Variants in EPB41L3 observed in about 807,000 individuals in gnomAD.
The protein encoded by EPB41L3 is band 4.1-like protein 3.
EPB41L3 carries 57 observed loss-of-function variants against 127.1 expected under a neutral mutation model. The observed-to-expected ratio is 0.45, with a 90% confidence interval of 0.36 to 0.56. The LOEUF is 0.56. EPB41L3 is among the 20% of genes least tolerant of loss of function. The probability of loss-of-function intolerance (pLI) is 0.00; values close to 1 mark genes in which losing one functional copy is unlikely to be tolerated. For missense variants in EPB41L3, 1,273 were observed against 1,372.2 expected, an observed-to-expected ratio of 0.93 and a Z score of 1.14; for synonymous variants, 572 against 549.5, an observed-to-expected ratio of 1.04 and a Z score of -0.57.
At chr18:5,505,879 ACCTCCACCCCTAC>A (rs1163662394) in intron 1 of EPB41L3, among the ~76,000 whole-genome samples, 2 of 117,582 alleles carry the variant, frequency 1.7e-5, no homozygotes, top group African/African-American at 6.6e-5. Context: ...CCACACCTTC[ACCTCCACCCCTAC>A]CCTCCACACC....
At chr18:5,493,155 A>T (rs536508223) in intron 1 of EPB41L3, among the ~76,000 whole-genome samples, 223 of 152,344 alleles carry the variant, frequency 1.5e-3, no homozygotes, top group South Asian at 2.7e-3. Flanking sequence ...AATGACTGCT[A>T]AATTAGTTTC....
chr18:5,396,873 A>G (rs1342052212), intron 18 of EPB41L3, among the ~76,000 whole-genome samples, 185 bp downstream of exon 18: 1 of 152,150 alleles, frequency 6.6e-6, no homozygotes, highest in African/African-American at 2.4e-5. Context: ...TGCATGTGAC[A>G]CCAAAGCTGG....
At position 5,424,377 on chromosome 18, in the gene EPB41L3, CAT is replaced by C; in HGVS notation, c.1066-20_1066-19del. ...TGTTCAAACTAAATAAAAAAAAATA[CAT>C]TGAAGAGTAAAGTTTAAAATTATAA... On this transcript the variant is annotated intron_variant, in intron 9 of 22. Coordinates refer to ENST00000341928, the MANE Select transcript of EPB41L3 (RefSeq NM_012307.5). 1 of 1,547,804 alleles carries C rather than the reference CAT, an allele frequency of 6.5e-7. No individual in the cohort carries two copies. Among genetic ancestry groups the C allele is most frequent in the Non-Finnish European group, 8.8e-7 (1 of 1,140,594 alleles).
chr18:5,396,514 C>T (rs58817821), intron 18 of EPB41L3, among the ~76,000 whole-genome samples, 182 bp from the exon 19 acceptor site: 9,872 of 152,070 alleles, frequency 0.065, 506 homozygotes, highest in African/African-American at 0.14. Flanking sequence ...TCTCATAGCA[C>T]TTTTATATGA....
At chr18:5,480,551 T>C (rs2088249432) in intron 2 of EPB41L3, among the ~76,000 whole-genome samples, 1 of 152,238 alleles carries the variant, frequency 6.6e-6, no homozygotes, top group South Asian at 2.1e-4. Context: ...CGTTACTATG[T>C]ACCAAAATCA....
At chr18:5,615,770 A>G (rs531483889) in intron 1 of EPB41L3, among the ~76,000 whole-genome samples, 17 of 152,324 alleles carry the variant, frequency 1.1e-4, no homozygotes, top group Middle Eastern at 3.4e-3. Context: ...TGTGATCTAT[A>G]TGCATACAAA....
At chr18:5,447,796 T>C (rs1357398209) in intron 3 of EPB41L3, among the ~76,000 whole-genome samples, 3 of 152,178 alleles carry the variant, frequency 2.0e-5, no homozygotes, top group African/African-American at 7.2e-5. Flanking sequence ...ACTTTTCTGG[T>C]TCCTCGCAAT....
intron 3 of EPB41L3, among the ~76,000 whole-genome samples, chr18:5,566,752 CTATTCTATTCTATTCT>C (rs2149235240): frequency 3.6e-5 from 5 of 137,884 alleles, no homozygotes; most frequent in East Asian, 2.3e-4. Context: ...CTATTCTATT[CTATTCTATTCTATTCT>C]ATTCTATTCT....
chr18:5,429,656 G>A (rs1179320506), intron 8 of EPB41L3, among the ~76,000 whole-genome samples: 3 of 152,200 alleles, frequency 2.0e-5, no homozygotes, highest in South Asian at 2.1e-4. Flanking sequence ...AAGCATAATT[G>A]GTTTAAAATG....
chr18:5,626,553 C>T (rs1280561438), intron 1 of EPB41L3, among the ~76,000 whole-genome samples: 1 of 152,198 alleles, frequency 6.6e-6, no homozygotes, highest in Non-Finnish European at 1.5e-5. Flanking sequence ...TCTTGATTAA[C>T]CAGCTCTGCA....
intron 1 of EPB41L3, among the ~76,000 whole-genome samples, chr18:5,502,517 C>T (rs186996063): frequency 6.6e-4 from 100 of 152,272 alleles, no homozygotes; most frequent in Non-Finnish European, 1.0e-3. Flanking sequence ...GTAAATCTGT[C>T]TAAGTGGAAG....
At chr18:5,434,177 G>C in intron 6 of EPB41L3, 56 bp from the exon 7 acceptor site, 3 of 1,459,548 alleles carry the variant, frequency 2.1e-6, no homozygotes, top group Non-Finnish European at 1.9e-6. Flanking sequence ...ACAGGAAAAG[G>C]AGGTCGCTTG....
At chr18:5,594,321 AT>A (rs2094516483) in intron 3 of EPB41L3, among the ~76,000 whole-genome samples, 1 of 152,160 alleles carries the variant, frequency 6.6e-6, no homozygotes, top group Non-Finnish European at 1.5e-5. Context: ...AAAATTTTAA[AT>A]ATCTGTTACC....
intron 3 of EPB41L3, among the ~76,000 whole-genome samples, chr18:5,609,960 G>T (rs1008770538): frequency 1.3e-5 from 2 of 152,152 alleles, no homozygotes; most frequent in African/African-American, 4.8e-5. Context: ...GCTGCTGAAA[G>T]GACACCTCAG....
chr18:5,628,002 G>A (rs1295289270), intron 1 of EPB41L3, among the ~76,000 whole-genome samples: 1 of 152,222 alleles, frequency 6.6e-6, no homozygotes, highest in Non-Finnish European at 1.5e-5. Context: ...GGAAAGTGAA[G>A]ACGGAGACTC....
intron 3 of EPB41L3, among the ~76,000 whole-genome samples, chr18:5,451,528 C>T (rs983168760): frequency 1.3e-5 from 2 of 152,212 alleles, no homozygotes; most frequent in African/African-American, 4.8e-5. Flanking sequence ...GCCTTACATC[C>T]CAGCTGTGTC....
intron 3 of EPB41L3, chr18:5,570,898 T>G (rs2094271167): frequency 6.6e-6 from 1 of 152,246 alleles, no homozygotes; most frequent in Non-Finnish European, 1.5e-5. Flanking sequence ...ATCAGCATTT[T>G]CCATCTAACT....
At position 5,525,165 on chromosome 18, in the gene EPB41L3, T is replaced by C. The variant is rs2093171711; in HGVS notation, c.-12+18748A>G. 2.6e-5 allele frequency among the ~76,000 whole-genome samples: 4 copies of C among 152,176 alleles called. No individual in the cohort carries two copies. In the South Asian group the frequency reaches 6.2e-4, roughly 24 times the overall value. On this transcript the variant is annotated intron_variant, in intron 1 of 22. Coordinates refer to ENST00000341928, the MANE Select transcript of EPB41L3 (RefSeq NM_012307.5). ...CTACCCTGATCCCTGATGACCTTTCTTACATTTGCTCCAAGCTGGACCCAA... is the reference window on the plus strand; with the variant it reads ...CTACCCTGATCCCTGATGACCTTTCCTACATTTGCTCCAAGCTGGACCCAA...
In EPB41L3 at chr18:5,433,627, G is replaced by T. The variant is rs555134426; in HGVS notation, c.825-71C>A. 6.7e-6 allele frequency: 9 copies of T among 1,352,234 alleles called. No homozygotes were observed. In the South Asian group the frequency reaches 9.8e-5, roughly 15 times the overall value. The allele number at this position is 1,352,234 out of a possible 1,614,324, so 83.8% of individuals were successfully genotyped here. On this transcript the variant is annotated intron_variant, in intron 7 of 22. Transcript: ENST00000341928. The stretch of plus-strand genomic sequence containing the variant: ...GGTAGGCTGCAATATTTCCCACTTA[G>T]TTCCATGCTATCTCATAAGAAGTCC...
Sources: allele counts gnomAD v4.1 joint callset (sites outside exome capture counted in the v4.1 genomes callset), GRCh38; gene constraint gnomAD v4.1.1; transcripts MANE v1.5; gene names NCBI Gene and HGNC (gene_info 2026-07-23, HGNC 2026-07-21).